The following RNF2 variants were observed in gnomAD, a reference collection of about 807,000 sequenced individuals.
RNF2 encodes ring finger protein 2, also known as E3 ubiquitin-protein ligase RING2.
RNF2 carries 6 observed loss-of-function variants against 37.2 expected under a neutral mutation model. The ratio of observed to expected loss-of-function variants is 0.16; its 90% CI spans 0.09 to 0.32. RNF2 has a LOEUF of 0.32. Among genes scored for constraint, RNF2 ranks in the 10% least tolerant of loss-of-function variants. The pLI is 1.00. For missense variants in RNF2, 251 were observed against 404.0 expected (o/e 0.62, Z 3.25); for synonymous variants, 133 against 132.7 (o/e 1.00, Z -0.02).
intron 1 of RNF2, among the ~76,000 whole-genome samples, chr1:185,059,642 A>T (rs894061072): frequency 6.6e-6 from 1 of 152,074 alleles, no homozygotes; most frequent in Non-Finnish European, 1.5e-5. Context: ...TAATAATCAT[A>T]TGTTTGGTTG....
At chr1:185,074,882 G>A (rs1557966704) in intron 1 of RNF2, among the ~76,000 whole-genome samples, 2 of 152,162 alleles carry the variant, frequency 1.3e-5, no homozygotes, top group Non-Finnish European at 1.5e-5. Context: ...TTATATAAGG[G>A]ACTTGAGTAT....
intron 1 of RNF2, among the ~76,000 whole-genome samples, chr1:185,077,819 A>G (rs866990462): frequency 1.2e-4 from 17 of 143,328 alleles, no homozygotes; most frequent in African/African-American, 4.2e-4. Context: ...TGCCTGATTC[A>G]TTGTTTTTTT....
At chr1:185,058,836 C>T (rs151208409) in intron 1 of RNF2, among the ~76,000 whole-genome samples, 314 of 152,246 alleles carry the variant, frequency 2.1e-3, no homozygotes, top group African/African-American at 7.2e-3. Flanking sequence ...TTTTAGATAT[C>T]ACTTAAAACG....
intron 5 of RNF2, among the ~76,000 whole-genome samples, chr1:185,099,568 T>C (rs1319938689): frequency 6.6e-6 from 1 of 152,190 alleles, no homozygotes; most frequent in East Asian, 1.9e-4. Flanking sequence ...GTAAAGCTTT[T>C]GTGACCTGAC....
chr1:185,055,837 G>A (rs916144715), intron 1 of RNF2, among the ~76,000 whole-genome samples: 1 of 151,188 alleles, frequency 6.6e-6, no homozygotes, highest in African/African-American at 2.4e-5. Flanking sequence ...CTATCCTTTT[G>A]TCCTTGATCT....
Position 185,052,302 on chromosome 1 carries a change from A to C in RNF2, c.-3+6653A>C, listed in dbSNP as rs1434990533. 3.9e-5 allele frequency among the ~76,000 whole-genome samples: 6 copies of C among 152,356 alleles called. No homozygotes were observed. In the East Asian group the frequency reaches 1.2e-3, roughly 29 times the overall value. Reference sequence around the variant, plus strand: ...TGGCACCGCTATTCATGATACCCAAAAAATGGAAACAGCCCAAATGTCTGT... The same window carrying C: ...TGGCACCGCTATTCATGATACCCAACAAATGGAAACAGCCCAAATGTCTGT... On this transcript the variant is annotated intron_variant, in intron 1 of 6. Transcript: ENST00000367510.
chr1:185,099,530 G>A (rs529856233), intron 5 of RNF2, among the ~76,000 whole-genome samples: 2 of 151,926 alleles, frequency 1.3e-5, no homozygotes, highest in African/African-American at 2.4e-5. Context: ...TTGTCACTGT[G>A]TATCTCATTT....
chr1:185,078,530 A>T (rs993438206), intron 1 of RNF2, among the ~76,000 whole-genome samples: 11 of 152,174 alleles, frequency 7.2e-5, no homozygotes, highest in Non-Finnish European at 1.6e-4. Context: ...TTTAACTCAT[A>T]AAGTATCAGC....
chr1:185,047,871 TCAGA>T (rs1369616185), intron 1 of RNF2, among the ~76,000 whole-genome samples: 1 of 152,242 alleles, frequency 6.6e-6, no homozygotes, highest in East Asian at 1.9e-4. Context: ...GACATTGTCA[TCAGA>T]CAATGGTTAA....
At chr1:185,100,134 A>AGT (rs1442734602) in intron 6 of RNF2, 66 bp from the exon 7 acceptor site, 1 of 1,323,906 alleles carries the variant, frequency 7.6e-7, no homozygotes, top group East Asian at 2.3e-5. Flanking sequence ...CTTCCATTTT[A>AGT]GTTTCATTTC....
intron 1 of RNF2, among the ~76,000 whole-genome samples, chr1:185,057,830 GT>G (rs775713322): frequency 5.3e-5 from 8 of 151,384 alleles, no homozygotes; most frequent in Non-Finnish European, 1.2e-4. Flanking sequence ...CAGTAAAACA[GT>G]TCAAAAATAA....
At position 185,063,296 on chromosome 1, in the gene RNF2, G is replaced by A. The variant is rs184401736; in HGVS notation, c.-3+17647G>A. Among the ~76,000 whole-genome samples the A allele has an allele frequency of 4.2e-3, 635 of 152,270 alleles. 4 individuals are homozygous for A. The highest frequency in any genetic ancestry group is 0.015 in the African/African-American group (604 of 41,560). ...AAACCATTTGGCTGGCTTTTAAACTGGGGGTGGATGAGGGGTAAAGATACT... is the reference window on the plus strand; with the variant it reads ...AAACCATTTGGCTGGCTTTTAAACTAGGGGTGGATGAGGGGTAAAGATACT... On this transcript the variant is annotated intron_variant, in intron 1 of 6. Transcript: ENST00000367510.
intron 1 of RNF2, among the ~76,000 whole-genome samples, chr1:185,073,679 G>T (rs1416722795): frequency 4.6e-5 from 7 of 152,164 alleles, no homozygotes; most frequent in Non-Finnish European, 1.0e-4. Flanking sequence ...TTACTTACAA[G>T]GAATGCAGGT....
intron 1 of RNF2, among the ~76,000 whole-genome samples, chr1:185,068,322 G>C (rs1650861904): frequency 2.0e-5 from 3 of 152,100 alleles, no homozygotes; most frequent in African/African-American, 7.2e-5. Context: ...TCTACATTCT[G>C]GTCTCTGGAA....
At position 185,102,089 on chromosome 1, in the gene RNF2, GTTAT is replaced by G. The variant is rs1044860261; in HGVS notation, c.*1791_*1794del. On this transcript the variant is annotated 3_prime_UTR_variant, in exon 7 of 7. Transcript: ENST00000367510. ...TTGAAATTTTGTCTTTAAGCAGAGA[GTTAT>G]TTGTGACTATAAGCTTTGTGCTTAG... 20 of 152,516 alleles carry G rather than the reference GTTAT, an allele frequency of 1.3e-4. No homozygotes were observed. The highest frequency in any genetic ancestry group is 4.6e-4 in the Admixed American group (7 of 15,292). 9.4% of individuals were successfully genotyped at this position (152,516 alleles called of 1,614,324 possible). A position where few individuals can be genotyped will look rare whatever the true frequency, so the allele number is the denominator to read the frequency against.
Position 185,099,895 on chromosome 1 carries a change from T to A in RNF2, c.842T>A (p.Met281Lys), listed in dbSNP as rs890050651. 1 of 1,614,016 alleles carries A rather than the reference T, an allele frequency of 6.2e-7. No homozygotes were observed. Among genetic ancestry groups the A allele is most frequent in the Non-Finnish European group, 8.5e-7 (1 of 1,179,998 alleles). The change falls in exon 6 of 7, where the codon ATG becomes AAG. Residue 281 changes from methionine to lysine, a missense_variant. Physicochemically the swap from Met to Lys is moderately conservative, Grantham distance 95. Coordinates refer to ENST00000367510, the MANE Select transcript of RNF2 (RefSeq NM_007212.4). ...CGAAGCAAAGGTGAATCAAACCAGATGAACCTTGATACAGCCAGTGAGAAG... is the reference window on the plus strand; with the variant it reads ...CGAAGCAAAGGTGAATCAAACCAGAAGAACCTTGATACAGCCAGTGAGAAG... ...ELRSKGESNQMNLDTASEKQY... is the reference protein window; with the variant it reads ...ELRSKGESNQKNLDTASEKQY...
chr1:185,090,345 G>A (rs1485411214), intron 2 of RNF2, among the ~76,000 whole-genome samples: 1 of 152,136 alleles, frequency 6.6e-6, no homozygotes, highest in Admixed American at 6.5e-5. Flanking sequence ...TCCAGGGTTG[G>A]GATTTTGTTA....
chr1:185,060,685 A>G (rs563467697), intron 1 of RNF2, among the ~76,000 whole-genome samples: 2 of 152,362 alleles, frequency 1.3e-5, no homozygotes, highest in South Asian at 2.1e-4. Context: ...TGGATGAATC[A>G]GTAGACTGGA....
chr1:185,045,978 G>C (rs953165413), intron 1 of RNF2: 4 of 152,158 alleles, frequency 2.6e-5, no homozygotes, highest in African/African-American at 9.7e-5. Context: ...GGAGGCCGGC[G>C]CTGCGGCGCG....
Sources: gnomAD v4.1 joint callset for allele counts (sites outside exome capture counted in the v4.1 genomes callset) on GRCh38, gnomAD v4.1.1 for gene constraint, MANE v1.5 for transcripts, NCBI Gene and HGNC (gene_info 2026-07-23, HGNC 2026-07-21) for gene names.